The following TACC1 variants were observed in gnomAD, a reference collection of about 807,000 sequenced individuals.
TACC1 encodes transforming acidic coiled-coil containing protein 1.
Under a neutral mutation model 84.4 loss-of-function variants are expected in TACC1, and 48 were observed. The observed-to-expected ratio is 0.57, with a 90% CI of 0.45 to 0.72. The LOEUF is 0.72. Among genes scored for constraint, TACC1 ranks in the 30% least tolerant of loss-of-function variants. The probability of loss-of-function intolerance (pLI) is 0.00; values close to 1 mark genes in which losing one functional copy is unlikely to be tolerated. For missense variants in TACC1, 920 were observed against 973.0 expected (o/e 0.95, Z 0.72); for synonymous variants, 372 against 376.3 (o/e 0.99, Z 0.13).
chr8:38,810,443 C>CT (rs1208426771), intron 2 of TACC1, among the ~76,000 whole-genome samples: 9 of 151,492 alleles, frequency 5.9e-5, no homozygotes, highest in Non-Finnish European at 1.2e-4. Context: ...TCTACAAATT[C>CT]TTTTTTTTAA....
chr8:38,765,027 G>A (rs1352738255), intron 3 of TACC1, among the ~76,000 whole-genome samples: 1 of 146,520 alleles, frequency 6.8e-6, no homozygotes, highest in Non-Finnish European at 1.5e-5. Flanking sequence ...TGAACCGGGG[G>A]GATGGAGGTT....
At chr8:38,754,323 TC>T in intron 3 of TACC1, among the ~76,000 whole-genome samples, 1 of 152,238 alleles carries the variant, frequency 6.6e-6, no homozygotes, top group East Asian at 1.9e-4. Context: ...GTAAGATTCT[TC>T]CCGGCAGCCC....
intron 3 of TACC1, among the ~76,000 whole-genome samples, chr8:38,823,511 G>A (rs1018233924): frequency 1.4e-4 from 21 of 152,192 alleles, no homozygotes; most frequent in African/African-American, 4.8e-4. Context: ...CTGGGCCAAA[G>A]AAAGGGTAAT....
chr8:38,771,571 G>A (rs1813614807), intron 3 of TACC1, among the ~76,000 whole-genome samples: 1 of 152,132 alleles, frequency 6.6e-6, no homozygotes, highest in Non-Finnish European at 1.5e-5. Context: ...AAGAGAGTGA[G>A]GGTGTACAAC....
chr8:38,813,773 G>A (rs182871374), intron 2 of TACC1, among the ~76,000 whole-genome samples: 7 of 152,248 alleles, frequency 4.6e-5, no homozygotes, highest in East Asian at 1.9e-4. Flanking sequence ...TTTGTCTCTC[G>A]TTAGGTGACA....
chr8:38,757,586 G>A (rs1471915967), intron 3 of TACC1, among the ~76,000 whole-genome samples: 1 of 151,972 alleles, frequency 6.6e-6, no homozygotes, highest in African/African-American at 2.4e-5. Context: ...CCCCAGGGGC[G>A]TCCGGCTGGG....
At chr8:38,844,905 G>C (rs1391115697) in intron 11 of TACC1, 2 of 151,840 alleles carry the variant, frequency 1.3e-5, no homozygotes, top group East Asian at 3.9e-4. Flanking sequence ...TTTATCCTGG[G>C]GAGTGTTATC....
At chr8:38,836,546 T>C (rs532516181) in intron 7 of TACC1, among the ~76,000 whole-genome samples, 13 of 152,342 alleles carry the variant, frequency 8.5e-5, no homozygotes, top group Admixed American at 8.5e-4. Context: ...GCCCTGACAT[T>C]TAAAATACCT....
chr8:38,764,370 G>A (rs1449121029), intron 3 of TACC1, among the ~76,000 whole-genome samples: 5 of 148,816 alleles, frequency 3.4e-5, no homozygotes, highest in Admixed American at 2.7e-4. Flanking sequence ...GAGCCACTGC[G>A]CCTGGCCCAG....
intron 3 of TACC1, among the ~76,000 whole-genome samples, chr8:38,759,620 C>T (rs1810809657): frequency 6.6e-6 from 1 of 152,204 alleles, no homozygotes; most frequent in Non-Finnish European, 1.5e-5. Flanking sequence ...AACATGAAAG[C>T]CCATCCTTGG....
chr8:38,845,809 C>G (rs1832119714), intron 11 of TACC1, among the ~76,000 whole-genome samples: 1 of 152,236 alleles, frequency 6.6e-6, no homozygotes, highest in Non-Finnish European at 1.5e-5. Context: ...TTTCAGCCGC[C>G]CATTGGCACA....
chr8:38,843,420 T>G, intron 11 of TACC1, 25 bp downstream of exon 11: 1 of 1,539,568 alleles, frequency 6.5e-7, no homozygotes, highest in Non-Finnish European at 8.9e-7. Context: ...ATGTTGAATT[T>G]CACTCTTCAT....
intron 3 of TACC1, among the ~76,000 whole-genome samples, chr8:38,749,466 C>G (rs904481236): frequency 6.6e-6 from 1 of 152,174 alleles, no homozygotes; most frequent in Admixed American, 6.5e-5. Context: ...AAACTACAGT[C>G]CAATATCCCT....
At chr8:38,800,607 T>G (rs1483947976) in intron 2 of TACC1, among the ~76,000 whole-genome samples, 1 of 152,250 alleles carries the variant, frequency 6.6e-6, no homozygotes, top group Non-Finnish European at 1.5e-5. Flanking sequence ...CCTTTTTTAT[T>G]GTTGAACAAT....
chr8:38,773,200 C>T (rs1200137656), intron 3 of TACC1, among the ~76,000 whole-genome samples: 1 of 151,792 alleles, frequency 6.6e-6, no homozygotes, highest in Non-Finnish European at 1.5e-5. Context: ...GTGGCGGGCA[C>T]CCGTAATTCT....
In TACC1 at chr8:38,831,140, C is replaced by A; in HGVS notation, c.1676C>A (p.Thr559Lys). Residue 559 changes from threonine to lysine, a missense_variant, in exon 6 of 13, where the codon ACG becomes AAG. Transcript: ENST00000317827. ...TCTGTCTTAGGCATAGAGAAGGAGACGTGCCAGAAGATGGAAGAAGACGGG... is the reference window on the plus strand; with the variant it reads ...TCTGTCTTAGGCATAGAGAAGGAGAAGTGCCAGAAGATGGAAGAAGACGGG... ...SSSEAGIEKE[T>K]CQKMEEDGST... The A allele has an allele frequency of 6.2e-7, 1 of 1,614,140 alleles. No homozygotes were observed. The highest frequency in any genetic ancestry group is 8.5e-7 in the Non-Finnish European group (1 of 1,180,006).
intron 3 of TACC1, among the ~76,000 whole-genome samples, chr8:38,774,339 G>A (rs1814351530): frequency 1.3e-5 from 2 of 152,152 alleles, no homozygotes; most frequent in South Asian, 4.1e-4. Context: ...AGTTCTATGA[G>A]GGCAGGAACT....
Position 38,834,638 on chromosome 8 carries a change from T to A in TACC1, c.1714-1524T>A, listed in dbSNP as rs138806761. On this transcript the variant is annotated intron_variant, in intron 6 of 12. Transcript: ENST00000317827. ...AACATGGGCACTGCCAGCTTGTGGC[T>A]TTTGTATTTTGCTTTTCTGTGGCCT... Among the ~76,000 whole-genome samples the A allele has an allele frequency of 2.4e-3, 365 of 152,288 alleles. 1 individual carries two copies. The highest frequency in any genetic ancestry group is 4.5e-3 in the Non-Finnish European group (304 of 68,018).
chr8:38,799,104 C>T (rs1049615664), intron 2 of TACC1, among the ~76,000 whole-genome samples: 1 of 152,204 alleles, frequency 6.6e-6, no homozygotes, highest in East Asian at 1.9e-4. Context: ...GCCAGAATCA[C>T]GCTTGTTTCC....
Sources: gnomAD v4.1 joint callset for allele counts (sites outside exome capture counted in the v4.1 genomes callset) on GRCh38, gnomAD v4.1.1 for gene constraint, MANE v1.5 for transcripts, NCBI Gene and HGNC (gene_info 2026-07-23, HGNC 2026-07-21) for gene names.